Variants in ADCY3 observed in about 807,000 individuals in gnomAD.
ADCY3 encodes adenylate cyclase type 3.
Under a neutral mutation model 119.4 loss-of-function variants are expected in ADCY3, and 70 were observed. The ratio of observed to expected loss-of-function variants is 0.59; its 90% CI spans 0.48 to 0.72. ADCY3 has a LOEUF of 0.72. Ranked by LOEUF, ADCY3 falls within the 30% of genes least tolerant of loss-of-function variation. The pLI is 0.00. For synonymous variants in ADCY3, 672 were observed against 621.4 expected, an observed-to-expected ratio of 1.08 and a Z score of -1.21; for missense variants, 1,238 against 1,541.6, an observed-to-expected ratio of 0.80 and a Z score of 3.30.
intron 19 of ADCY3, chr2:24,821,909 C>T: frequency 2.4e-6 from 1 of 418,348 alleles, no homozygotes; most frequent in Non-Finnish European, 4.3e-6. Flanking sequence ...TTCACCTTGG[C>T]TGGGCCTGGT....
At chr2:24,848,425 T>C (rs1007446742) in intron 3 of ADCY3, among the ~76,000 whole-genome samples, 2 of 152,232 alleles carry the variant, frequency 1.3e-5, no homozygotes, top group African/African-American at 2.4e-5. Context: ...TTAATAAATA[T>C]GTGGGTAAAT....
intron 2 of ADCY3, among the ~76,000 whole-genome samples, chr2:24,876,860 G>T (rs1675774036): frequency 6.6e-6 from 1 of 152,190 alleles, no homozygotes; most frequent in East Asian, 1.9e-4. Flanking sequence ...TCTGCACCAG[G>T]CCTTGAGCTC....
intron 3 of ADCY3, among the ~76,000 whole-genome samples, chr2:24,871,614 G>A (rs144054454): frequency 1.3e-5 from 2 of 152,340 alleles, no homozygotes; most frequent in African/African-American, 2.4e-5. Flanking sequence ...CTGTCCACCC[G>A]AGTGGCAGCA....
intron 19 of ADCY3, chr2:24,822,207 T>C (rs1303743866): frequency 4.1e-6 from 1 of 245,630 alleles, no homozygotes; most frequent in Non-Finnish European, 7.8e-6. Flanking sequence ...TGCTTTCAGT[T>C]TCCCTTGTTG....
intron 2 of ADCY3, among the ~76,000 whole-genome samples, chr2:24,913,304 G>A (rs868483827): frequency 1.5e-5 from 2 of 130,424 alleles, no homozygotes; most frequent in South Asian, 2.4e-4. Flanking sequence ...AGGGAACATC[G>A]TCATGGGCTT....
chr2:24,822,641 G>C lies in ADCY3; in HGVS notation c.2884-11C>G. The C allele has an allele frequency of 6.2e-7, 1 of 1,613,296 alleles. No individual in the cohort carries two copies. Among genetic ancestry groups the C allele is most frequent in the Non-Finnish European group, 8.5e-7 (1 of 1,179,346 alleles). ...GGGATTGTCCAGGAGCTGAGGCCAG[G>C]ATTCAGGAAAGAATTGTCAGCAGTC... On this transcript the variant is annotated splice_polypyrimidine_tract_variant and intron_variant, in intron 18 of 21. Transcript: ENST00000679454.
intron 3 of ADCY3, among the ~76,000 whole-genome samples, chr2:24,867,784 TAAGTA>T (rs995971420): frequency 6.0e-4 from 92 of 152,180 alleles, no homozygotes; most frequent in African/African-American, 2.0e-3. Flanking sequence ...TGGGTAAATA[TAAGTA>T]AAGAATATTA....
intron 3 of ADCY3, among the ~76,000 whole-genome samples, chr2:24,857,572 A>G (rs1182796175): frequency 6.6e-6 from 1 of 152,256 alleles, no homozygotes; most frequent in African/African-American, 2.4e-5. Context: ...AAATAGCTAC[A>G]TATGACAAGT....
Position 24,838,984 on chromosome 2 carries a change from C to G in ADCY3, c.1356-362G>C, listed in dbSNP as rs1430303958. ...TTGAGACAGAGTCTTGTTCTGTCGC[C>G]CAGGATGGAGTGCAGTGGCTTGATC... is the stretch of plus-strand genomic sequence containing the variant. On this transcript the variant is annotated intron_variant, in intron 7 of 21. Transcript: ENST00000679454. 11 of 1,154,852 alleles carry G rather than the reference C, an allele frequency of 9.5e-6. No homozygotes were observed. In the East Asian group the frequency reaches 5.1e-4, roughly 54 times the overall value. The allele number at this position is 1,154,852 out of a possible 1,614,324, so 71.5% of individuals were successfully genotyped here.
intron 2 of ADCY3, among the ~76,000 whole-genome samples, chr2:24,882,466 A>G (rs1330703160): frequency 6.6e-6 from 1 of 152,210 alleles, no homozygotes; most frequent in Non-Finnish European, 1.5e-5. Flanking sequence ...AAAACTCCTC[A>G]AAAGCTCCCA....
rs561743837 is a variant in ADCY3 at position 24,820,545 on chromosome 2, T to G, written c.3252+179A>C. The G allele has an allele frequency of 2.1e-4, 292 of 1,392,628 alleles. 2 individuals carry two copies. The highest frequency in any genetic ancestry group is 7.6e-5 in the East Asian group (3 of 39,242). The allele number at this position is 1,392,628 out of a possible 1,614,324, so 86.3% of individuals were successfully genotyped here. ...CCCAGATTTTGTGGATGGGTGGAAG[T>G]GTTTCTTCCTGTGCTGAGGCTAGCT... is the stretch of plus-strand genomic sequence containing the variant. On this transcript the variant is annotated intron_variant, in intron 21 of 21. Transcript: ENST00000679454.
chr2:24,905,793 T>C (rs187693101), intron 2 of ADCY3, among the ~76,000 whole-genome samples: 7 of 152,306 alleles, frequency 4.6e-5, no homozygotes, highest in South Asian at 2.1e-4. Flanking sequence ...AAGGTATTAT[T>C]ATCACACCCA....
At chr2:24,850,974 C>T (rs982854715) in intron 3 of ADCY3, among the ~76,000 whole-genome samples, 12 of 152,190 alleles carry the variant, frequency 7.9e-5, no homozygotes, top group African/African-American at 9.7e-5. Flanking sequence ...TTAACTTGGA[C>T]GACCGAATTA....
At chr2:24,833,473 CA>C (rs1669878600) in intron 11 of ADCY3, among the ~76,000 whole-genome samples, 1 of 152,224 alleles carries the variant, frequency 6.6e-6, no homozygotes, top group African/African-American at 2.4e-5. Context: ...CATCCCACAT[CA>C]AAATGCAAAC....
chr2:24,880,156 G>A (rs13387053), intron 2 of ADCY3, among the ~76,000 whole-genome samples: 48,558 of 152,094 alleles, frequency 0.32, 7,948 homozygotes, highest in South Asian at 0.39. Flanking sequence ...GCATGCCTTT[G>A]GTAAGAGATG....
intron 2 of ADCY3, among the ~76,000 whole-genome samples, chr2:24,896,479 T>G (rs1678299894): frequency 6.6e-6 from 1 of 152,142 alleles, no homozygotes; most frequent in Non-Finnish European, 1.5e-5. Flanking sequence ...TTTTTTTTTG[T>G]TAGTGGGTCA....
chr2:24,918,739 G>C lies in ADCY3; in HGVS notation c.249C>G (p.Val83=). The C allele has an allele frequency of 6.2e-7, 1 of 1,614,068 alleles. No individual in the cohort carries two copies. The highest frequency in any genetic ancestry group is 1.1e-5 in the South Asian group (1 of 91,082). ...QRHETLLVLV[V]FAALFDCYVV... is the part of the protein sequence containing the mutation. ...CGTAGCAGTCAAAGAGGGCTGCAAAGACCACCAGCACCAGCAGGGTCTCGT... is the reference window on the plus strand; with the variant it reads ...CGTAGCAGTCAAAGAGGGCTGCAAACACCACCAGCACCAGCAGGGTCTCGT... The change falls in exon 2 of 22, where the codon GTC becomes GTG. Residue 83 remains valine, a synonymous_variant. Transcript: ENST00000679454. The surrounding 1 kb of genome is among the most constrained non-coding windows in gnomAD (Gnocchi z 5.4).
At position 24,839,960 on chromosome 2, in the gene ADCY3, C is replaced by T; in HGVS notation, c.1268G>A (p.Gly423Asp). ...VGVHTGTVLGGVLGQKRWQYD... is the reference protein window; with the variant it reads ...VGVHTGTVLGDVLGQKRWQYD... ...CTGCCAGCGCTTCTGGCCCAGGACG[C>T]CCCCCAGCACGGTGCCCGTGTGCAC... The change falls in exon 7 of 22, where the codon GGC (glycine) becomes GAC (aspartate). Residue 423 changes from glycine (G) to aspartate (D), a missense_variant. By Grantham distance (94) the Gly-to-Asp change is moderately conservative (BLOSUM62 -1). Transcript: ENST00000679454. The T allele has an allele frequency of 6.2e-7, 1 of 1,613,808 alleles. No individual in the cohort carries two copies. Among genetic ancestry groups the T allele is most frequent in the Non-Finnish European group, 8.5e-7 (1 of 1,179,990 alleles).
At position 24,842,315 on chromosome 2, in the gene ADCY3, C is replaced by G; in HGVS notation, c.895G>C (p.Glu299Gln). ...AACTGCTGCTGGTCCTTCTGGCTCT[C>G]GTCTTTCTTCATGTCTTTCAGCATC... is the stretch of plus-strand genomic sequence containing the variant. ...DEMLKDMKKD[E>Q]SQKDQQQFNT... The change falls in exon 4 of 22, where the codon GAG becomes CAG. Residue 299 changes from glutamate (E) to glutamine (Q), a missense_variant. By Grantham distance (29) the Glu-to-Gln change is conservative. Coordinates refer to ENST00000679454, the MANE Select transcript of ADCY3 (RefSeq NM_004036.5). The surrounding 1 kb of genome is among the most constrained non-coding windows in gnomAD (Gnocchi z 4.9). 6.2e-7 allele frequency: 1 copy of G among 1,614,120 alleles called. No individual in the cohort carries two copies. Among genetic ancestry groups the G allele is most frequent in the Non-Finnish European group, 8.5e-7 (1 of 1,180,040 alleles).
Sources: allele counts gnomAD v4.1 joint callset (sites outside exome capture counted in the v4.1 genomes callset), GRCh38; gene constraint gnomAD v4.1.1; non-coding constraint Gnocchi (gnomAD v3.1); transcripts MANE v1.5; gene names NCBI Gene and HGNC (gene_info 2026-07-23, HGNC 2026-07-21).